MARCHF6: variants seen among roughly 807,000 people sequenced by gnomAD.
MARCHF6 encodes the protein E3 ubiquitin-protein ligase MARCHF6.
Under a neutral mutation model 133.7 loss-of-function variants are expected in MARCHF6, and 31 were observed. The observed-to-expected ratio is 0.23, with a 90% CI of 0.17 to 0.31. The LOEUF is 0.31. MARCHF6 is among the 10% of genes least tolerant of loss of function. MARCHF6 has a pLI of 1.00. For missense variants in MARCHF6, 723 were observed against 1,121.6 expected (o/e 0.64, Z 5.08); for synonymous variants, 395 against 402.5 (o/e 0.98, Z 0.22).
rs1321523932 is a variant in MARCHF6, at chr5:10,438,797, T to G, written c.*5113T>G. 1 of 152,198 alleles carries G rather than the reference T, an allele frequency of 6.6e-6. No homozygotes were observed. Among genetic ancestry groups the G allele is most frequent in the South Asian group, 2.1e-4 (1 of 4,832 alleles). 9.4% of individuals were successfully genotyped at this position (152,198 alleles called of 1,614,324 possible). A position where few individuals can be genotyped will look rare whatever the true frequency, so the allele number is the denominator to read the frequency against. ...CAGAGAAAGGTTCACCCGGGAGAGATGGCCTAGCCACTTCCTTAGTGACTG... is the reference window on the plus strand; with the variant it reads ...CAGAGAAAGGTTCACCCGGGAGAGAGGGCCTAGCCACTTCCTTAGTGACTG... On this transcript the variant is annotated 3_prime_UTR_variant, in exon 26 of 26. Coordinates refer to ENST00000274140, the MANE Select transcript of MARCHF6 (RefSeq NM_005885.4).
intron 10 of MARCHF6, among the ~76,000 whole-genome samples, chr5:10,398,534 T>G (rs978058305): frequency 6.6e-6 from 1 of 152,164 alleles, no homozygotes. Flanking sequence ...TTATTTTTCA[T>G]TATGTAAAAT....
At chr5:10,372,355 A>G (rs1219523259) in intron 1 of MARCHF6, among the ~76,000 whole-genome samples, 1 of 152,188 alleles carries the variant, frequency 6.6e-6, no homozygotes, top group African/African-American at 2.4e-5. Flanking sequence ...TAGTTTTATA[A>G]AATATGTTTT....
chr5:10,380,405 A>G (rs191413001), intron 3 of MARCHF6, among the ~76,000 whole-genome samples: 3 of 152,322 alleles, frequency 2.0e-5, no homozygotes, highest in African/African-American at 7.2e-5. Flanking sequence ...AACTAAGACT[A>G]ACTAGTTGAG....
At chr5:10,387,129 C>T in intron 5 of MARCHF6, 63 bp downstream of exon 5, 1 of 1,193,828 alleles carries the variant, frequency 8.4e-7, no homozygotes. Context: ...TTTTTCCTTG[C>T]ATATTTATTT....
At chr5:10,377,585 A>G (rs1375948774) in intron 1 of MARCHF6, among the ~76,000 whole-genome samples, 1 of 152,234 alleles carries the variant, frequency 6.6e-6, no homozygotes, top group Non-Finnish European at 1.5e-5. Flanking sequence ...CGAAGGAACA[A>G]CTTAACTTTT....
At chr5:10,397,747 G>A (rs1015753622) in intron 10 of MARCHF6, among the ~76,000 whole-genome samples, 1 of 152,186 alleles carries the variant, frequency 6.6e-6, no homozygotes, top group Non-Finnish European at 1.5e-5. Flanking sequence ...CTTGGGAGCT[G>A]TTACCAGAGC....
chr5:10,432,593 C>T lies in MARCHF6; in HGVS notation c.2643-1001C>T, dbSNP rs1048281683. Among the ~76,000 whole-genome samples, 16 of 152,360 alleles carry T rather than the reference C, an allele frequency of 1.1e-4. No individual in the cohort carries two copies. The South Asian group carries it at 2.9e-3, about 28-fold the overall frequency. On this transcript the variant is annotated intron_variant, in intron 25 of 25. Transcript: ENST00000274140. ...TTCAGTGAGCCTTCGATGCAGCTGT[C>T]GCCCTTCCCTGGCATTGGAGATGTC...
rs1740593302 is a variant in MARCHF6 at position 10,435,658 on chromosome 5, TATATATATATATATATATATATA to T, written c.*1975_*1997del. Reference sequence around the variant, plus strand: ...ATATAACTATATATATATATATATATATATATATATATATATATATATATATATATATATATATATTTTTTTTT... The same window carrying T: ...ATATAACTATATATATATATATATATTATATATATATATATATTTTTTTTT... On this transcript the variant is annotated 3_prime_UTR_variant, in exon 26 of 26. Transcript: ENST00000274140. 1 of 4,862 alleles carries T rather than the reference TATATATATATATATATATATATA, an allele frequency of 2.1e-4. No individual in the cohort carries two copies. Among genetic ancestry groups the T allele is most frequent in the African/African-American group, 1.5e-3 (1 of 676 alleles). The allele number at this position is 4,862 out of a possible 1,614,324, so 0.3% of individuals were successfully genotyped here.
At chr5:10,426,645 A>T in intron 24 of MARCHF6, 123 bp downstream of exon 24, 1 of 1,077,206 alleles carries the variant, frequency 9.3e-7, no homozygotes, top group Middle Eastern at 2.1e-4. Context: ...AATCCAGCTA[A>T]GACAATGATT....
chr5:10,387,025 C>T lies in MARCHF6; in HGVS notation c.366C>T (p.Ser122=), dbSNP rs575908637. The T allele has an allele frequency of 2.4e-5, 39 of 1,613,096 alleles. No individual in the cohort carries two copies. In the South Asian group the frequency reaches 2.6e-4, roughly 11 times the overall value. The change falls in exon 5 of 26, where the codon TCC becomes TCT. Residue 122 remains serine (S), a synonymous_variant. Coordinates refer to ENST00000274140, the MANE Select transcript of MARCHF6 (RefSeq NM_005885.4). The part of the protein sequence containing the change: ...CRIYKCLFTG[S]VSSLLTLPLD... ...TCTACAAGTGCTTGTTTACTGGCTCCGTGAGCTCACTACTGACGCTGCCAT... is the reference window on the plus strand; with the variant it reads ...TCTACAAGTGCTTGTTTACTGGCTCTGTGAGCTCACTACTGACGCTGCCAT...
At chr5:10,423,177 C>T (rs1421649316) in intron 22 of MARCHF6, among the ~76,000 whole-genome samples, 4 of 148,616 alleles carry the variant, frequency 2.7e-5, no homozygotes, top group African/African-American at 1.0e-4. Flanking sequence ...GGGAAGGGGG[C>T]TGTGGGGAGG....
chr5:10,434,949 C>G lies in MARCHF6; in HGVS notation c.*1265C>G, dbSNP rs1417043645. ...AACCCTTACAAACTTTGTTTTCCCT[C>G]ATAACCAAAGCTTCAGGTTAGAAGT... is the stretch of plus-strand genomic sequence containing the variant. On this transcript the variant is annotated 3_prime_UTR_variant, in exon 26 of 26. Coordinates refer to ENST00000274140, the MANE Select transcript of MARCHF6 (RefSeq NM_005885.4). 6.6e-6 allele frequency: 1 copy of G among 152,620 alleles called. No individual in the cohort carries two copies. The highest frequency in any genetic ancestry group is 1.5e-5 in the Non-Finnish European group (1 of 68,040). 9.5% of individuals were successfully genotyped at this position (152,620 alleles called of 1,614,324 possible). A position where few individuals can be genotyped will look rare whatever the true frequency, so the allele number is the denominator to read the frequency against.
chr5:10,365,403 C>T (rs998549113), intron 1 of MARCHF6, among the ~76,000 whole-genome samples: 1 of 151,746 alleles, frequency 6.6e-6, no homozygotes, highest in South Asian at 2.1e-4. Context: ...CGGGTTCAAG[C>T]GATTCTCCTG....
chr5:10,387,751 A>G (rs1054877210), intron 5 of MARCHF6, among the ~76,000 whole-genome samples: 1 of 152,054 alleles, frequency 6.6e-6, no homozygotes, highest in Non-Finnish European at 1.5e-5. Context: ...GCTCACTGCA[A>G]CTTCTGCCTT....
intron 5 of MARCHF6, among the ~76,000 whole-genome samples, chr5:10,388,620 A>G (rs987927524): frequency 6.6e-6 from 1 of 152,182 alleles, no homozygotes; most frequent in African/African-American, 2.4e-5. Context: ...CTGGGACTTA[A>G]TGATCTAAGA....
intron 1 of MARCHF6, among the ~76,000 whole-genome samples, chr5:10,359,483 C>T (rs189241183): frequency 5.9e-5 from 9 of 152,142 alleles, no homozygotes; most frequent in Non-Finnish European, 7.4e-5. Context: ...ATACAGTACG[C>T]AATACATATA....
chr5:10,429,246 A>G (rs1205587742), intron 24 of MARCHF6, among the ~76,000 whole-genome samples: 1 of 152,198 alleles, frequency 6.6e-6, no homozygotes, highest in Non-Finnish European at 1.5e-5. Context: ...TTAAATATAG[A>G]AAAATAAATA....
rs1740530631 is a variant in MARCHF6 at position 10,434,868 on chromosome 5, C to G, written c.*1184C>G. 6.6e-6 allele frequency: 1 copy of G among 152,576 alleles called. No individual in the cohort carries two copies. The highest frequency in any genetic ancestry group is 1.5e-5 in the Non-Finnish European group (1 of 68,032). 9.5% of individuals were successfully genotyped at this position (152,576 alleles called of 1,614,324 possible). The stretch of plus-strand genomic sequence containing the variant: ...CAGAAGGAAGCTTGGCTGAGCTGGC[C>G]TTTTAACATAGGAATGTATTTCGTT... On this transcript the variant is annotated 3_prime_UTR_variant, in exon 26 of 26. Transcript: ENST00000274140.
At chr5:10,372,410 G>A (rs1453128981) in intron 1 of MARCHF6, among the ~76,000 whole-genome samples, 1 of 152,092 alleles carries the variant, frequency 6.6e-6, no homozygotes, top group African/African-American at 2.4e-5. Context: ...CCATTCATTA[G>A]AATTTTTTAT....
Sources: gnomAD v4.1 joint callset for allele counts (sites outside exome capture counted in the v4.1 genomes callset) on GRCh38, gnomAD v4.1.1 for gene constraint, MANE v1.5 for transcripts, NCBI Gene and HGNC (gene_info 2026-07-23, HGNC 2026-07-21) for gene names.